DYNC2H1: variants seen among roughly 807,000 people sequenced by gnomAD.
The protein encoded by DYNC2H1 is cytoplasmic dynein 2 heavy chain 1.
A neutral mutation model predicts 570.0 loss-of-function variants in DYNC2H1; 410 were observed. That is an observed-to-expected ratio of 0.72 (90% CI 0.66 to 0.78). The LOEUF (loss-of-function observed/expected upper bound fraction) is 0.78. Ranked by LOEUF, DYNC2H1 falls within the 30% of genes least tolerant of loss-of-function variation. DYNC2H1 has a pLI of 0.00. For synonymous variants in DYNC2H1, 1,688 were observed against 1,677.6 expected, an observed-to-expected ratio of 1.01 and a Z score of -0.15; for missense variants, 4,865 against 5,046.4, an observed-to-expected ratio of 0.96 and a Z score of 1.09.
Position 103,472,891 on chromosome 11 carries a change from T to C in DYNC2H1, c.12765+4186T>C, listed in dbSNP as rs1481902162. ...AATATTATCTGACACCCAGTATCCC[T>C]GAGGAGCTTCGTTTCAACAGAAACT... On this transcript the variant is annotated intron_variant, in intron 88 of 88. Transcript: ENST00000375735. This position sits in a 1 kb window ranked among gnomAD's most constrained non-coding sequence, Gnocchi z 4.1. Among the ~76,000 whole-genome samples, 2 of 152,194 alleles carry C rather than the reference T, an allele frequency of 1.3e-5. No homozygotes were observed. Among genetic ancestry groups the C allele is most frequent in the Non-Finnish European group, 2.9e-5 (2 of 68,036 alleles).
At chr11:103,253,107 G>A (rs996355278) in intron 65 of DYNC2H1, among the ~76,000 whole-genome samples, 178 bp from the exon 66 acceptor site, 2 of 152,094 alleles carry the variant, frequency 1.3e-5, no homozygotes, top group Non-Finnish European at 2.9e-5. Context: ...ATCATTGCTT[G>A]CATAAGTGCT....
Position 103,245,448 on chromosome 11 carries a change from C to A in DYNC2H1, c.10042+74C>A. On this transcript the variant is annotated intron_variant, in intron 65 of 88. Transcript: ENST00000375735. This position sits in a 1 kb window ranked among gnomAD's most constrained non-coding sequence, Gnocchi z 4.5. ...AGTAAGTAATTAAACCAGGTGCAAG[C>A]TTTCAAGAGTCCTCTTCCAGTGGAG... 3 of 1,434,496 alleles carry A rather than the reference C, an allele frequency of 2.1e-6. No homozygotes were observed. In the South Asian group the frequency reaches 4.2e-5, roughly 20 times the overall value. 88.9% of individuals were successfully genotyped at this position (1,434,496 alleles called of 1,614,324 possible).
At chr11:103,266,695 A>G (rs1865519050) in intron 70 of DYNC2H1, among the ~76,000 whole-genome samples, 1 of 151,934 alleles carries the variant, frequency 6.6e-6, no homozygotes, top group Non-Finnish European at 1.5e-5. Flanking sequence ...GTGGGGAGGG[A>G]GCGCATGGGC....
chr11:103,362,322 TTTTTTTTTTTC>T lies in DYNC2H1; in HGVS notation c.12156+3974_12156+3984del, dbSNP rs1268125767. 3.2e-3 allele frequency among the ~76,000 whole-genome samples: 249 copies of T among 77,108 alleles called. 1 individual carries two copies. The highest frequency in any genetic ancestry group is 0.012 in the African/African-American group (242 of 20,758). The allele number at this position is 77,108 out of a possible 152,430, so 50.6% of individuals were successfully genotyped here. A position where few individuals can be genotyped will look rare whatever the true frequency, so the allele number is the denominator to read the frequency against. On this transcript the variant is annotated intron_variant, in intron 83 of 88. Transcript: ENST00000375735. ...TTCTTAAATATATTAATTTTTTTCT[TTTTTTTTTTTC>T]TTTTTTTTTTTTTTTTAGCTATAGG...
At chr11:103,173,434 C>T (rs567512328) in intron 35 of DYNC2H1, 129 bp downstream of exon 35, 8 of 638,294 alleles carry the variant, frequency 1.3e-5, no homozygotes, top group Non-Finnish European at 1.9e-5. Context: ...TTTTATTGTA[C>T]TTATAGTGTA....
intron 75 of DYNC2H1, among the ~76,000 whole-genome samples, chr11:103,296,545 A>G (rs1458845513): frequency 6.6e-6 from 1 of 152,192 alleles, no homozygotes; most frequent in Non-Finnish European, 1.5e-5. Flanking sequence ...TAGAAGCAAT[A>G]GGACAAAAAT....
Position 103,223,035 on chromosome 11 carries a change from A to G in DYNC2H1, c.9302A>G (p.His3101Arg), listed in dbSNP as rs752847274. The part of the protein sequence containing the change: ...AWVKANIQYS[H>R]VLERIHPLET... ...GTGAAAGCCAATATTCAGTATTCCC[A>G]TGTCTTGGAACGAATTCATCCTTTG... The change falls in exon 59 of 89, where the codon CAT (histidine) becomes CGT (arginine). Residue 3101 changes from histidine (H) to arginine (R), a missense_variant. Transcript: ENST00000375735. The G allele has an allele frequency of 6.8e-6, 11 of 1,613,394 alleles. 1 individual carries two copies. Among genetic ancestry groups the G allele is most frequent in the Middle Eastern group, 1.7e-4 (1 of 6,054 alleles).
Position 103,468,677 on chromosome 11 carries a change from TC to T in DYNC2H1, c.12740del (p.Pro4247LeufsTer58). On this transcript the variant is annotated frameshift_variant, in exon 88 of 89. Transcript: ENST00000375735. LOFTEE classifies it high-confidence loss of function. Reference protein sequence around the residue: ...QLDSPSVSSVLPCFMGWIPQD... With the variant: ...QLDSPSVSSVXPCFMGWIPQD... The stretch of plus-strand genomic sequence containing the variant: ...GATTCTCCCAGCGTGTCATCAGTGC[TC>T]CCTTGTTTTATGGGCTGGATTCCAC... The T allele has an allele frequency of 6.2e-7, 1 of 1,613,416 alleles. No individual in the cohort carries two copies. Among genetic ancestry groups the T allele is most frequent in the South Asian group, 1.1e-5 (1 of 90,988 alleles).
In DYNC2H1 at chr11:103,133,409, C is replaced by T; in HGVS notation, c.1954-146C>T. 4.6e-6 allele frequency: 3 copies of T among 657,320 alleles called. No individual in the cohort carries two copies. Among genetic ancestry groups the T allele is most frequent in the African/African-American group, 1.9e-5 (1 of 52,724 alleles). The allele number at this position is 657,320 out of a possible 1,614,324, so 40.7% of individuals were successfully genotyped here. On this transcript the variant is annotated intron_variant, in intron 13 of 88. Transcript: ENST00000375735. This position sits in a 1 kb window ranked among gnomAD's most constrained non-coding sequence, Gnocchi z 4.8. ...GGCTACTCAATCTTTGCCAGACTGCCTTATCATTTATAAAATGGAAAATTA... is the reference window on the plus strand; with the variant it reads ...GGCTACTCAATCTTTGCCAGACTGCTTTATCATTTATAAAATGGAAAATTA...
intron 47 of DYNC2H1, among the ~76,000 whole-genome samples, chr11:103,193,119 G>A (rs1459684732): frequency 6.6e-6 from 1 of 152,192 alleles, no homozygotes; most frequent in East Asian, 1.9e-4. Flanking sequence ...TGTTTAGATT[G>A]ACAGAAAGAA....
intron 75 of DYNC2H1, among the ~76,000 whole-genome samples, chr11:103,301,221 C>T (rs1867033910): frequency 6.6e-6 from 1 of 151,916 alleles, no homozygotes; most frequent in Non-Finnish European, 1.5e-5. Flanking sequence ...ATTACTCAGA[C>T]TCCTGTTAGA....
intron 84 of DYNC2H1, among the ~76,000 whole-genome samples, chr11:103,429,144 C>G (rs1943795408): frequency 6.6e-6 from 1 of 151,854 alleles, no homozygotes; most frequent in African/African-American, 2.4e-5. Context: ...GCCTGTAGTT[C>G]CAGCTACTCG....
At position 103,336,623 on chromosome 11, in the gene DYNC2H1, C is replaced by T. The variant is rs185146392; in HGVS notation, c.12039+12633C>T. ...CCTTCTAGTACTATCCATGTTGTTG[C>T]AAGTGACAAGATTTTATTCTTTGTT... On this transcript the variant is annotated intron_variant, in intron 82 of 88. Coordinates refer to ENST00000375735, the MANE Select transcript of DYNC2H1 (RefSeq NM_001377.3). Among the ~76,000 whole-genome samples the T allele has an allele frequency of 1.9e-3, 296 of 152,266 alleles. 1 individual carries two copies. The highest frequency in any genetic ancestry group is 3.4e-3 in the Non-Finnish European group (234 of 68,014).
chr11:103,403,962 A>T (rs1399667516), intron 84 of DYNC2H1: 1 of 152,056 alleles, frequency 6.6e-6, no homozygotes, highest in South Asian at 2.1e-4. Flanking sequence ...AGATAATGGC[A>T]GGTGAGATAG....
chr11:103,230,560 T>G (rs1443529796), intron 59 of DYNC2H1, among the ~76,000 whole-genome samples: 1 of 152,176 alleles, frequency 6.6e-6, no homozygotes, highest in African/African-American at 2.4e-5. Flanking sequence ...GATTCTGAGG[T>G]CCAACTCTTT....
chr11:103,191,446 G>A, intron 45 of DYNC2H1, 71 bp from the exon 46 acceptor site: 1 of 1,205,432 alleles, frequency 8.3e-7, no homozygotes, highest in Non-Finnish European at 1.2e-6. Flanking sequence ...AGTCTAAGGA[G>A]ACTGAAAAAT....
chr11:103,297,152 T>C (rs1351335651), intron 75 of DYNC2H1, among the ~76,000 whole-genome samples: 1 of 152,170 alleles, frequency 6.6e-6, no homozygotes, highest in Non-Finnish European at 1.5e-5. Context: ...CTTGTATATT[T>C]AATGCTTATT....
At chr11:103,233,666 A>G (rs1269107312) in intron 60 of DYNC2H1, among the ~76,000 whole-genome samples, 6 of 151,942 alleles carry the variant, frequency 3.9e-5, no homozygotes, top group Admixed American at 1.3e-4. Context: ...CGATATTGAC[A>G]TATATTAATG....
intron 4 of DYNC2H1, among the ~76,000 whole-genome samples, chr11:103,115,834 G>A (rs1261478811): frequency 2.0e-5 from 3 of 151,986 alleles, no homozygotes; most frequent in Non-Finnish European, 2.9e-5. Flanking sequence ...TTTTCTGCAG[G>A]TATATAGTGA....
Sources: gnomAD v4.1 joint callset for allele counts (sites outside exome capture counted in the v4.1 genomes callset) on GRCh38, gnomAD v4.1.1 for gene constraint, Gnocchi (gnomAD v3.1) non-coding constraint, MANE v1.5 for transcripts, NCBI Gene and HGNC (gene_info 2026-07-23, HGNC 2026-07-21) for gene names.